Variants in TMEM207 observed in about 807,000 individuals in gnomAD.
TMEM207 encodes transmembrane protein 207.
A neutral mutation model predicts 17.4 loss-of-function variants in TMEM207; 15 were observed. The ratio of observed to expected loss-of-function variants is 0.86; its 90% CI spans 0.58 to 1.33. TMEM207 has a LOEUF of 1.33. Ranked by LOEUF, TMEM207 falls within the 40% of genes most tolerant of loss-of-function variation. The pLI is 0.00. For missense variants in TMEM207, 205 were observed against 173.8 expected (o/e 1.18, Z -1.01); for synonymous variants, 70 against 65.6 (o/e 1.07, Z -0.33).
intron 2 of TMEM207, 63 bp downstream of exon 2, chr3:190,447,727 T>C: frequency 1.9e-6 from 3 of 1,567,952 alleles, no homozygotes; most frequent in Non-Finnish European, 2.6e-6. Flanking sequence ...GCTTGAGCCT[T>C]TTTTATACTT....
rs751631632 is a variant in TMEM207 at position 190,447,803 on chromosome 3, C to T, written c.100G>A (p.Glu34Lys). ...FQLVLSDLPC[E>K]EDEMCVNYND... ...CTGTTTACTTACATTTCATCTTCTT[C>T]GCATGGTAGGTCCGAGAGCACCAAC... is the stretch of plus-strand genomic sequence containing the variant. The change falls in exon 2 of 5, where the codon GAA (glutamate) becomes AAA (lysine). Residue 34 changes from glutamate (E) to lysine (K), a missense_variant. By Grantham distance (56) the Glu-to-Lys change is moderately conservative. Transcript: ENST00000354905. 28 of 1,611,552 alleles carry T rather than the reference C, an allele frequency of 1.7e-5. No homozygotes were observed. The Admixed American group carries it at 2.0e-4, about 12-fold the overall frequency.
chr3:190,436,107 C>A (rs1055969741), intron 4 of TMEM207, among the ~76,000 whole-genome samples: 1 of 152,180 alleles, frequency 6.6e-6, no homozygotes, highest in Non-Finnish European at 1.5e-5. Flanking sequence ...GAGAGTCCAA[C>A]CTTTGCCCTA....
At chr3:190,435,890 T>A (rs1360094501) in intron 4 of TMEM207, among the ~76,000 whole-genome samples, 2 of 152,366 alleles carry the variant, frequency 1.3e-5, no homozygotes, top group South Asian at 4.1e-4. Context: ...TTTATAAGGA[T>A]CCAAGCCAAG....
chr3:190,430,352 C>T (rs182793339), intron 4 of TMEM207, among the ~76,000 whole-genome samples: 2 of 151,882 alleles, frequency 1.3e-5, no homozygotes, highest in African/African-American at 4.8e-5. Flanking sequence ...GCCTTTTCTT[C>T]CACTAACTGG....
At chr3:190,440,487 A>C in intron 3 of TMEM207, 98 bp from the exon 4 acceptor site, 1 of 1,126,114 alleles carries the variant, frequency 8.9e-7, no homozygotes, top group Non-Finnish European at 1.2e-6. Context: ...ACTCAGCTAG[A>C]CTGGCCGCAA....
At chr3:190,448,853 A>G (rs1293338693) in intron 1 of TMEM207, among the ~76,000 whole-genome samples, 2 of 152,170 alleles carry the variant, frequency 1.3e-5, no homozygotes, top group African/African-American at 4.8e-5. Context: ...TTGCAGATGG[A>G]GCCATGAATT....
At position 190,449,897 on chromosome 3, in the gene TMEM207, A is replaced by G; in HGVS notation, c.-88T>C. Reference sequence around the variant, plus strand: ...GAACTTACTAGCTTCTCTATAAGTTATGCTTCCTACCAGGACATGCATTAA... The same window carrying G: ...GAACTTACTAGCTTCTCTATAAGTTGTGCTTCCTACCAGGACATGCATTAA... On this transcript the variant is annotated 5_prime_UTR_variant, in exon 1 of 5. Coordinates refer to ENST00000354905, the MANE Select transcript of TMEM207 (RefSeq NM_207316.3). 1 of 1,213,210 alleles carries G rather than the reference A, an allele frequency of 8.2e-7. No homozygotes were observed. Among genetic ancestry groups the G allele is most frequent in the Non-Finnish European group, 1.2e-6 (1 of 824,986 alleles). 75.2% of individuals were successfully genotyped at this position (1,213,210 alleles called of 1,614,324 possible).
chr3:190,448,433 T>C (rs558697637), intron 1 of TMEM207, among the ~76,000 whole-genome samples: 1 of 152,270 alleles, frequency 6.6e-6, no homozygotes, highest in South Asian at 2.1e-4. Context: ...AAAAGTCCAA[T>C]ACTATAAGCA....
Position 190,429,873 on chromosome 3 carries a change from T to C in TMEM207, c.305-142A>G, listed in dbSNP as rs1719653307. The C allele has an allele frequency of 4.6e-6, 5 of 1,079,278 alleles. No homozygotes were observed. In the East Asian group the frequency reaches 1.1e-4, roughly 24 times the overall value. The allele number at this position is 1,079,278 out of a possible 1,614,324, so 66.9% of individuals were successfully genotyped here. On this transcript the variant is annotated intron_variant, in intron 4 of 4. Coordinates refer to ENST00000354905, the MANE Select transcript of TMEM207 (RefSeq NM_207316.3). ...GTATCTATGAGAAAAAAATTACAACTATCTTGCTCTTTGCAGTGAAGGTTT... is the reference window on the plus strand; with the variant it reads ...GTATCTATGAGAAAAAAATTACAACCATCTTGCTCTTTGCAGTGAAGGTTT...
chr3:190,431,817 A>C (rs1008397905), intron 4 of TMEM207, among the ~76,000 whole-genome samples: 1 of 152,214 alleles, frequency 6.6e-6, no homozygotes, highest in Non-Finnish European at 1.5e-5. Context: ...TAGAGTCTTC[A>C]CAGTTGCTTT....
In TMEM207 at chr3:190,447,806, A is replaced by G. The variant is rs143239029; in HGVS notation, c.97T>C (p.Cys33Arg). The G allele has an allele frequency of 9.6e-5, 155 of 1,612,574 alleles. 2 individuals are homozygous for G. In the African/African-American group the frequency reaches 1.6e-3, roughly 17 times the overall value. Residue 33 changes from cysteine (C) to arginine (R), a missense_variant, in exon 2 of 5, where the codon TGC (cysteine) becomes CGC (arginine). By Grantham distance (180) the Cys-to-Arg change is radical. Coordinates refer to ENST00000354905, the MANE Select transcript of TMEM207 (RefSeq NM_207316.3). ...TTTACTTACATTTCATCTTCTTCGCATGGTAGGTCCGAGAGCACCAACTGA... is the reference window on the plus strand; with the variant it reads ...TTTACTTACATTTCATCTTCTTCGCGTGGTAGGTCCGAGAGCACCAACTGA... ...LFQLVLSDLP[C>R]EEDEMCVNYN...
chr3:190,429,784 A>G, intron 4 of TMEM207, 53 bp from the exon 5 acceptor site: 1 of 1,528,168 alleles, frequency 6.5e-7, no homozygotes. Context: ...ATAAAACATA[A>G]GTACATGAAC....
At chr3:190,440,210 C>T (rs1560107580) in intron 4 of TMEM207, 34 bp downstream of exon 4, 2 of 1,577,584 alleles carry the variant, frequency 1.3e-6, no homozygotes, top group Non-Finnish European at 1.7e-6. Flanking sequence ...CACAAAGTAT[C>T]AAAAAAGAGT....
At chr3:190,433,467 T>G (rs1306439739) in intron 4 of TMEM207, among the ~76,000 whole-genome samples, 1 of 152,184 alleles carries the variant, frequency 6.6e-6, no homozygotes, top group African/African-American at 2.4e-5. Context: ...TTAAAAAAAC[T>G]ATTTTTAATA....
chr3:190,442,280 G>C (rs1050814994), intron 2 of TMEM207, among the ~76,000 whole-genome samples: 1 of 152,130 alleles, frequency 6.6e-6, no homozygotes, highest in Non-Finnish European at 1.5e-5. Flanking sequence ...AACTGAGCTT[G>C]AACAGTGGAA....
intron 4 of TMEM207, among the ~76,000 whole-genome samples, chr3:190,434,695 T>C (rs903479540): frequency 6.6e-6 from 1 of 152,160 alleles, no homozygotes; most frequent in Non-Finnish European, 1.5e-5. Flanking sequence ...TCTTTGACGA[T>C]TTAGAGAAGG....
intron 4 of TMEM207, among the ~76,000 whole-genome samples, chr3:190,437,419 C>G (rs1354471578): frequency 6.6e-6 from 1 of 152,158 alleles, no homozygotes; most frequent in Admixed American, 6.5e-5. Context: ...ATAACATCCT[C>G]TAAGATAAAT....
chr3:190,444,327 G>C, intron 2 of TMEM207: 2 of 672,736 alleles, frequency 3.0e-6, no homozygotes, highest in Non-Finnish European at 3.7e-6. Context: ...AGCTGGAAGT[G>C]GTAGAAGTAG....
At chr3:190,430,103 T>C (rs1719659714) in intron 4 of TMEM207, among the ~76,000 whole-genome samples, 1 of 152,216 alleles carries the variant, frequency 6.6e-6, no homozygotes, top group South Asian at 2.1e-4. Flanking sequence ...TTAGAAAAAT[T>C]AAAATATCAC....
Sources: gnomAD v4.1 joint callset for allele counts (sites outside exome capture counted in the v4.1 genomes callset) on GRCh38, gnomAD v4.1.1 for gene constraint, MANE v1.5 for transcripts, NCBI Gene and HGNC (gene_info 2026-07-23, HGNC 2026-07-21) for gene names.